PLXNA4: variants seen among roughly 807,000 people sequenced by gnomAD.
The protein encoded by PLXNA4 is plexin-A4.
Under a neutral mutation model 191.8 loss-of-function variants are expected in PLXNA4, and 44 were observed. That is an observed-to-expected ratio of 0.23 (90% CI 0.18 to 0.29). PLXNA4 has a LOEUF of 0.29. PLXNA4 is among the 10% of genes least tolerant of loss of function. PLXNA4 has a pLI of 1.00. For synonymous variants in PLXNA4, 1,082 were observed against 1,009.5 expected (o/e 1.07, Z -1.36); for missense variants, 1,800 against 2,488.8 (o/e 0.72, Z 5.89).
intron 2 of PLXNA4, among the ~76,000 whole-genome samples, chr7:132,609,086 G>A (rs1483647221): frequency 3.3e-5 from 5 of 152,174 alleles, no homozygotes; most frequent in Non-Finnish European, 7.3e-5. Flanking sequence ...CCACATGAGT[G>A]ACATGCCACA....
intron 3 of PLXNA4, chr7:132,384,813 G>A: frequency 2.7e-6 from 3 of 1,129,398 alleles, no homozygotes; most frequent in Non-Finnish European, 3.3e-6. Flanking sequence ...CTTGGCTGCA[G>A]AAGTGGACAG....
chr7:132,612,747 T>A (rs899504723), intron 2 of PLXNA4, among the ~76,000 whole-genome samples: 2 of 152,020 alleles, frequency 1.3e-5, no homozygotes, highest in African/African-American at 4.8e-5. Flanking sequence ...TAATTCTTTA[T>A]TGGGTGCAGG....
rs187737426 is a variant in PLXNA4, at chr7:132,244,725, T to A, written c.1504-3559A>T. ...CCAGCATGGCCAAGGCCTCCCAGACTGGCTGCACAGCTCTCCATCTCTATC... is the reference window on the plus strand; with the variant it reads ...CCAGCATGGCCAAGGCCTCCCAGACAGGCTGCACAGCTCTCCATCTCTATC... On this transcript the variant is annotated intron_variant, in intron 4 of 31. Coordinates refer to ENST00000321063, the MANE Select transcript of PLXNA4 (RefSeq NM_020911.2). Among the ~76,000 whole-genome samples, 417 of 152,336 alleles carry A rather than the reference T, an allele frequency of 2.7e-3. 8 individuals are homozygous for A. The highest frequency in any genetic ancestry group is 9.6e-3 in the African/African-American group (398 of 41,588).
chr7:132,146,668 T>C lies in PLXNA4; in HGVS notation c.4897A>G (p.Ser1633Gly), dbSNP rs202113167. The C allele has an allele frequency of 1.2e-6, 2 of 1,614,208 alleles. No individual in the cohort carries two copies. Among genetic ancestry groups the C allele is most frequent in the African/African-American group, 2.7e-5 (2 of 75,054 alleles). Residue 1633 changes from serine to glycine, a missense_variant, in exon 28 of 32, where the codon AGC (serine) becomes GGC (glycine). This residue lies in a region of PLXNA4 where 214 missense variants were observed against 298.2 expected (regional missense o/e 0.72). Coordinates refer to ENST00000321063, the MANE Select transcript of PLXNA4 (RefSeq NM_020911.2). ...NMIRYTGSPD[S>G]LRSRTPMITP... Reference sequence around the variant, plus strand: ...ATCATAGGTGTCCGTGAGCGGAGGCTGTCGGGGCTGCCCGTGTACCGGATC... The same window carrying C: ...ATCATAGGTGTCCGTGAGCGGAGGCCGTCGGGGCTGCCCGTGTACCGGATC...
At chr7:132,194,677 G>A (rs1190474374) in intron 13 of PLXNA4, among the ~76,000 whole-genome samples, 1 of 152,162 alleles carries the variant, frequency 6.6e-6, no homozygotes, top group Non-Finnish European at 1.5e-5. Context: ...CCAGCCTCCA[G>A]GCTGGGTGAG....
intron 2 of PLXNA4, among the ~76,000 whole-genome samples, chr7:132,629,943 G>C (rs578243152): frequency 6.6e-6 from 1 of 151,810 alleles, no homozygotes; most frequent in Non-Finnish European, 1.5e-5. Context: ...TCCACCTCCC[G>C]AGTTCATGCC....
chr7:132,544,017 G>A (rs1321895741), intron 1 of PLXNA4, among the ~76,000 whole-genome samples: 1 of 152,222 alleles, frequency 6.6e-6, no homozygotes, highest in Admixed American at 6.5e-5. Flanking sequence ...AATATGGAAA[G>A]AAAACCAGAT....
intron 3 of PLXNA4, among the ~76,000 whole-genome samples, chr7:132,393,584 A>G (rs1272530616): frequency 6.6e-6 from 1 of 152,204 alleles, no homozygotes; most frequent in Admixed American, 6.5e-5. Context: ...AGTAAGCATG[A>G]CACTACACAA....
intron 9 of PLXNA4, among the ~76,000 whole-genome samples, chr7:132,214,255 A>G (rs1389241958): frequency 6.6e-6 from 1 of 152,128 alleles, no homozygotes; most frequent in South Asian, 2.1e-4. Context: ...AGACATGGGG[A>G]GCAGCAAAAC....
At chr7:132,498,351 G>A (rs1366978656) in intron 2 of PLXNA4, among the ~76,000 whole-genome samples, 3 of 152,152 alleles carry the variant, frequency 2.0e-5, no homozygotes, top group African/African-American at 4.8e-5. Flanking sequence ...CCACGTGGCT[G>A]GGGAGGCCTC....
intron 3 of PLXNA4, among the ~76,000 whole-genome samples, chr7:132,300,148 T>C (rs1801250783): frequency 6.6e-6 from 1 of 152,192 alleles, no homozygotes; most frequent in Non-Finnish European, 1.5e-5. Flanking sequence ...GCACTGATAA[T>C]AGACAAGAAA....
chr7:132,564,009 T>TCCTC (rs1801569635), intron 1 of PLXNA4, among the ~76,000 whole-genome samples: 3 of 28,154 alleles, frequency 1.1e-4, no homozygotes, highest in African/African-American at 4.2e-4. Flanking sequence ...TCCTCCTCCT[T>TCCTC]CTCCTCCTCC....
intron 4 of PLXNA4, among the ~76,000 whole-genome samples, chr7:132,274,766 C>CT (rs3057256): frequency 0.34 from 35,976 of 106,090 alleles, 6,551 homozygotes; most frequent in South Asian, 0.49. Flanking sequence ...TCAGTGCATC[C>CT]TTTTTTTTTT....
chr7:132,302,556 G>A (rs995528246), intron 3 of PLXNA4, among the ~76,000 whole-genome samples: 4 of 151,602 alleles, frequency 2.6e-5, no homozygotes, highest in African/African-American at 7.3e-5. Context: ...CCCAATACTC[G>A]GGCAGCCAAA....
intron 3 of PLXNA4, among the ~76,000 whole-genome samples, chr7:132,354,965 G>A (rs906684806): frequency 6.6e-6 from 1 of 152,198 alleles, no homozygotes; most frequent in Admixed American, 6.5e-5. Flanking sequence ...GGGGTGTTCA[G>A]GATCCAAGTA....
chr7:132,329,919 T>G (rs1004978009), intron 3 of PLXNA4, among the ~76,000 whole-genome samples: 1 of 152,142 alleles, frequency 6.6e-6, no homozygotes, highest in African/African-American at 2.4e-5. Context: ...AACAGGTATT[T>G]TTTGAGCTTA....
chr7:132,338,671 C>A (rs1177183778), intron 3 of PLXNA4, among the ~76,000 whole-genome samples: 1 of 152,128 alleles, frequency 6.6e-6, no homozygotes, highest in Non-Finnish European at 1.5e-5. Context: ...TCACAATGCT[C>A]AACATTCAAT....
intron 1 of PLXNA4, among the ~76,000 whole-genome samples, chr7:132,537,421 A>C (rs1376913676): frequency 1.3e-5 from 2 of 152,214 alleles, no homozygotes; most frequent in Admixed American, 1.3e-4. Flanking sequence ...GACACAATGA[A>C]AGTAGCCTCT....
chr7:132,363,788 T>A (rs778403589), intron 3 of PLXNA4, among the ~76,000 whole-genome samples: 1 of 152,262 alleles, frequency 6.6e-6, no homozygotes, highest in African/African-American at 2.4e-5. Flanking sequence ...TGTTCTTACA[T>A]TTCAATTAGT....
Sources: allele counts gnomAD v4.1 joint callset (sites outside exome capture counted in the v4.1 genomes callset), GRCh38; gene constraint gnomAD v4.1.1; regional missense constraint gnomAD v4.1.1; transcripts MANE v1.5; gene names NCBI Gene and HGNC (gene_info 2026-07-23, HGNC 2026-07-21).